Variants in AMPH observed in about 807,000 individuals in gnomAD.
The protein encoded by AMPH is amphiphysin.
AMPH carries 49 observed loss-of-function variants against 99.1 expected under a neutral mutation model. That is an observed-to-expected ratio of 0.49 (90% CI 0.39 to 0.63). AMPH has a LOEUF of 0.63. AMPH is among the 20% of genes least tolerant of loss of function. The pLI, the probability that AMPH is intolerant of heterozygous loss-of-function variation, is 0.00. For synonymous variants in AMPH, 314 were observed against 317.3 expected (o/e 0.99, Z 0.11); for missense variants, 759 against 863.4 (o/e 0.88, Z 1.52).
intron 1 of AMPH, among the ~76,000 whole-genome samples, chr7:38,565,043 G>C (rs1791684291): frequency 1.3e-5 from 2 of 150,862 alleles, no homozygotes; most frequent in South Asian, 2.1e-4. Context: ...AGAATGGCGT[G>C]AACCCGGGAG....
intron 17 of AMPH, among the ~76,000 whole-genome samples, chr7:38,397,191 T>C (rs1281312571): frequency 6.6e-6 from 1 of 152,256 alleles, no homozygotes; most frequent in East Asian, 1.9e-4. Context: ...TGATTATGCA[T>C]AAATCCTTTT....
At chr7:38,442,376 T>A (rs1786589757) in intron 11 of AMPH, among the ~76,000 whole-genome samples, 1 of 152,118 alleles carries the variant, frequency 6.6e-6, no homozygotes, top group South Asian at 2.1e-4. Flanking sequence ...TCCCTGGTAG[T>A]CTATCCTTTG....
At chr7:38,631,191 G>T in intron 1 of AMPH, 92 bp downstream of exon 1, 3 of 1,144,156 alleles carry the variant, frequency 2.6e-6, no homozygotes, top group Non-Finnish European at 3.3e-6. Flanking sequence ...GCCGCACCCC[G>T]AGGCTCGGGC....
chr7:38,523,887 T>A (rs1159498775), intron 2 of AMPH, among the ~76,000 whole-genome samples: 2 of 152,078 alleles, frequency 1.3e-5, no homozygotes, highest in South Asian at 2.1e-4. Flanking sequence ...TCAAACTATA[T>A]CCCCACAAAA....
At chr7:38,391,105 C>G (rs1784481165) in intron 19 of AMPH, among the ~76,000 whole-genome samples, 1 of 152,046 alleles carries the variant, frequency 6.6e-6, no homozygotes, top group African/African-American at 2.4e-5. Context: ...TTTTCAGATT[C>G]TATCAGGAAA....
At chr7:38,487,077 A>G (rs1165619771) in intron 5 of AMPH, among the ~76,000 whole-genome samples, 1 of 152,118 alleles carries the variant, frequency 6.6e-6, no homozygotes, top group Non-Finnish European at 1.5e-5. Flanking sequence ...AAGAAAGAGA[A>G]ATAAAATTCA....
intron 1 of AMPH, among the ~76,000 whole-genome samples, chr7:38,550,242 C>T (rs2164838): frequency 0.43 from 65,332 of 152,062 alleles, 14,098 homozygotes; most frequent in Non-Finnish European, 0.46. Flanking sequence ...TCAGCCTCAC[C>T]AGGGAGCTTG....
At chr7:38,546,734 A>G (rs1434227419) in intron 1 of AMPH, among the ~76,000 whole-genome samples, 1 of 152,162 alleles carries the variant, frequency 6.6e-6, no homozygotes, top group Non-Finnish European at 1.5e-5. Context: ...TATTCTGGTG[A>G]CCCTGGGTAA....
chr7:38,571,020 T>TAGAATA lies in AMPH; in HGVS notation c.70-36010_70-36009insTATTCT, dbSNP rs1562834518. ...TATTCATATATATAGAATATATATA[T>TAGAATA]TCATATATTGAATATATATAGAATA... is the stretch of plus-strand genomic sequence containing the variant. On this transcript the variant is annotated intron_variant, in intron 1 of 20. Coordinates refer to ENST00000356264, the MANE Select transcript of AMPH (RefSeq NM_001635.4). Among the ~76,000 whole-genome samples, 10 of 55,810 alleles carry TAGAATA rather than the reference T, an allele frequency of 1.8e-4. 1 individual carries two copies. The highest frequency in any genetic ancestry group is 7.3e-4 in the African/African-American group (10 of 13,736). The allele number at this position is 55,810 out of a possible 152,430, so 36.6% of individuals were successfully genotyped here. A position where few individuals can be genotyped will look rare whatever the true frequency, so the allele number is the denominator to read the frequency against.
intron 17 of AMPH, among the ~76,000 whole-genome samples, chr7:38,413,696 A>G (rs879926687): frequency 6.6e-5 from 10 of 152,218 alleles, no homozygotes; most frequent in African/African-American, 1.2e-4. Flanking sequence ...CTCATAAAAA[A>G]AAGAAAAATC....
At chr7:38,441,835 C>A (rs1786553547) in intron 11 of AMPH, among the ~76,000 whole-genome samples, 6 of 119,852 alleles carry the variant, frequency 5.0e-5, no homozygotes, top group Admixed American at 1.7e-4. Context: ...TCATATATAT[C>A]ATATATCATA....
In AMPH at chr7:38,553,225, G is replaced by A. The variant is rs553139584; in HGVS notation, c.70-18214C>T. Among the ~76,000 whole-genome samples, 3 of 152,322 alleles carry A rather than the reference G, an allele frequency of 2.0e-5. No homozygotes were observed. The East Asian group carries it at 5.8e-4, about 29-fold the overall frequency. On this transcript the variant is annotated intron_variant, in intron 1 of 20. Coordinates refer to ENST00000356264, the MANE Select transcript of AMPH (RefSeq NM_001635.4). ...GTTATAGCTTCATGCTATTGTTACT[G>A]GTCTTTGGGGGCCTCAACTCCACTG...
At chr7:38,431,927 C>A in intron 13 of AMPH, 1 of 501,060 alleles carries the variant, frequency 2.0e-6, no homozygotes, top group Non-Finnish European at 3.7e-6. Flanking sequence ...CAGAAAGAAA[C>A]AAAGGGCCAA....
At chr7:38,435,990 T>C (rs867606180) in intron 12 of AMPH, among the ~76,000 whole-genome samples, 1 of 152,078 alleles carries the variant, frequency 6.6e-6, no homozygotes, top group Non-Finnish European at 1.5e-5. Flanking sequence ...ACCTGAACAG[T>C]TCTGAGTGCA....
intron 11 of AMPH, among the ~76,000 whole-genome samples, chr7:38,445,851 T>C (rs565310835): frequency 1.3e-5 from 2 of 152,278 alleles, no homozygotes; most frequent in South Asian, 4.1e-4. Flanking sequence ...GGCGGAGTTT[T>C]CATGAATGGT....
At chr7:38,430,705 A>G (rs1785980158) in intron 13 of AMPH, among the ~76,000 whole-genome samples, 1 of 152,230 alleles carries the variant, frequency 6.6e-6, no homozygotes, top group Admixed American at 6.5e-5. Flanking sequence ...CTCGAACATC[A>G]ATCCATGCAT....
chr7:38,393,949 C>T (rs1376440412), intron 18 of AMPH, 56 bp downstream of exon 18: 2 of 1,566,218 alleles, frequency 1.3e-6, no homozygotes, highest in African/African-American at 1.3e-5. Flanking sequence ...ACCAACAGAG[C>T]ACCCAGCCCA....
At chr7:38,409,680 A>G (rs1336479737) in intron 17 of AMPH, among the ~76,000 whole-genome samples, 2 of 152,162 alleles carry the variant, frequency 1.3e-5, no homozygotes, top group African/African-American at 2.4e-5. Context: ...CTGCAGTCCT[A>G]TCATGAACCC....
At chr7:38,462,301 A>G (rs949888479) in intron 10 of AMPH, among the ~76,000 whole-genome samples, 1 of 152,168 alleles carries the variant, frequency 6.6e-6, no homozygotes, top group South Asian at 2.1e-4. Flanking sequence ...AATATTTTCT[A>G]CTTACGATGG....
Sources: allele counts gnomAD v4.1 joint callset (sites outside exome capture counted in the v4.1 genomes callset), GRCh38; gene constraint gnomAD v4.1.1; transcripts MANE v1.5; gene names NCBI Gene and HGNC (gene_info 2026-07-23, HGNC 2026-07-21).